ATE1: variants seen among roughly 807,000 people sequenced by gnomAD.
ATE1 encodes arginyl-tRNA--protein transferase 1.
Under a neutral mutation model 70.5 loss-of-function variants are expected in ATE1, and 36 were observed. The observed-to-expected ratio is 0.51, with a 90% CI of 0.39 to 0.67. The LOEUF is 0.67. ATE1 is among the 30% of genes least tolerant of loss of function. The probability of loss-of-function intolerance (pLI) is 0.00; values close to 1 mark genes in which losing one functional copy is unlikely to be tolerated. For missense variants in ATE1, 593 were observed against 629.5 expected, an observed-to-expected ratio of 0.94 and a Z score of 0.62; for synonymous variants, 232 against 219.3, an observed-to-expected ratio of 1.06 and a Z score of -0.51.
intron 11 of ATE1, among the ~76,000 whole-genome samples, chr10:121,755,098 C>T (rs1482152475): frequency 6.6e-6 from 1 of 152,268 alleles, no homozygotes; most frequent in Non-Finnish European, 1.5e-5. Context: ...ACACAGGATC[C>T]TCACTTGAAC....
chr10:121,743,468 G>T lies in ATE1; in HGVS notation c.*212C>A. The T allele has an allele frequency of 2.1e-6, 2 of 930,308 alleles. No homozygotes were observed. The highest frequency in any genetic ancestry group is 1.7e-5 in the African/African-American group (1 of 58,640). The allele number at this position is 930,308 out of a possible 1,614,324, so 57.6% of individuals were successfully genotyped here. ...AAAATGATAAATCCCAATTATGGGG[G>T]CTAGGTCATAATGCAGTTTTAAAAT... On this transcript the variant is annotated 3_prime_UTR_variant, in exon 12 of 12. Transcript: ENST00000224652.
rs191413981 is a variant in ATE1 at position 121,816,314 on chromosome 10, T to C, written c.1257+20404A>G. Among the ~76,000 whole-genome samples the C allele has an allele frequency of 9.8e-4, 150 of 152,332 alleles. 2 individuals are homozygous for C. The East Asian group carries it at 0.026, about 26-fold the overall frequency. On this transcript the variant is annotated intron_variant, in intron 10 of 11. Transcript: ENST00000224652. ...TAATAGATTTTATTTAATCAGATAC[T>C]GCTATGGTTTGAATTGTCTTCTCCA...
chr10:121,863,310 G>A (rs1166157200), intron 8 of ATE1, among the ~76,000 whole-genome samples: 3 of 141,932 alleles, frequency 2.1e-5, no homozygotes, highest in Non-Finnish European at 4.5e-5. Context: ...CTGGAGTGCA[G>A]TGGCACGATC....
In ATE1 at chr10:121,801,225, G is replaced by A. The variant is rs144183177; in HGVS notation, c.1258-10936C>T. On this transcript the variant is annotated intron_variant, in intron 10 of 11. Coordinates refer to ENST00000224652, the MANE Select transcript of ATE1 (RefSeq NM_001001976.3). ...TTTCCACTGACAAACAGAAAGTGAC[G>A]GTATTCTGTATTTCTTTAATTAAAA... Among the ~76,000 whole-genome samples the A allele has an allele frequency of 1.5e-3, 225 of 152,236 alleles. 1 individual carries two copies. The highest frequency in any genetic ancestry group is 3.4e-3 in the Middle Eastern group (1 of 294).
chr10:121,848,544 G>A (rs1948928084), intron 8 of ATE1, among the ~76,000 whole-genome samples: 4 of 149,220 alleles, frequency 2.7e-5, no homozygotes, highest in African/African-American at 9.9e-5. Flanking sequence ...CTTGAACCCG[G>A]AATGCAGAGG....
chr10:121,909,594 T>C (rs1285748276), intron 5 of ATE1, among the ~76,000 whole-genome samples: 1 of 152,196 alleles, frequency 6.6e-6, no homozygotes, highest in Admixed American at 6.5e-5. Flanking sequence ...GTAGAGTACA[T>C]GGAAGTCGAT....
chr10:121,831,995 TAC>T (rs1467182234), intron 10 of ATE1, among the ~76,000 whole-genome samples: 1 of 152,192 alleles, frequency 6.6e-6, no homozygotes, highest in Non-Finnish European at 1.5e-5. Context: ...AAACAGAAAT[TAC>T]AGTCTTAGCT....
chr10:121,870,064 A>G (rs1306830647), intron 7 of ATE1, 26 bp from the exon 8 acceptor site: 1 of 1,605,230 alleles, frequency 6.2e-7, no homozygotes, highest in Non-Finnish European at 8.5e-7. Context: ...AACAGAATCC[A>G]TTTCATCCAG....
intron 7 of ATE1, among the ~76,000 whole-genome samples, chr10:121,899,365 A>G (rs914564878): frequency 6.6e-5 from 10 of 152,212 alleles, no homozygotes; most frequent in Non-Finnish European, 8.8e-5. Flanking sequence ...AATTATTAGC[A>G]TATGAGTTCT....
At chr10:121,876,955 C>G (rs562916399) in intron 7 of ATE1, among the ~76,000 whole-genome samples, 31 of 146,448 alleles carry the variant, frequency 2.1e-4, no homozygotes, top group Non-Finnish European at 3.9e-4. Context: ...CACAGAGCGA[C>G]ACTCCAGTCT....
chr10:121,866,674 C>G (rs1400887091), intron 8 of ATE1, among the ~76,000 whole-genome samples: 2 of 151,866 alleles, frequency 1.3e-5, no homozygotes, highest in Non-Finnish European at 2.9e-5. Context: ...ATGGTGAAAC[C>G]TGTCTTTACT....
intron 10 of ATE1, among the ~76,000 whole-genome samples, chr10:121,798,403 T>C (rs1003146645): frequency 2.0e-5 from 3 of 152,204 alleles, no homozygotes; most frequent in Admixed American, 2.0e-4. Context: ...GATGTACAGC[T>C]TTTCATATTA....
chr10:121,923,822 C>T (rs931815712), intron 2 of ATE1, among the ~76,000 whole-genome samples: 1 of 152,092 alleles, frequency 6.6e-6, no homozygotes, highest in Non-Finnish European at 1.5e-5. Flanking sequence ...TAACAGGTAA[C>T]ATCAAAGAAT....
At chr10:121,812,079 C>T (rs10886990) in intron 10 of ATE1, among the ~76,000 whole-genome samples, 75,350 of 151,106 alleles carry the variant, frequency 0.5, 19,008 homozygotes, top group South Asian at 0.54. Context: ...CCTTAGCCTC[C>T]CATGTAGCTG....
intron 11 of ATE1, among the ~76,000 whole-genome samples, chr10:121,774,289 G>C (rs769516700): frequency 1.3e-5 from 2 of 152,168 alleles, no homozygotes; most frequent in African/African-American, 2.4e-5. Flanking sequence ...AATTTGGTAA[G>C]CGAGTTGAAA....
chr10:121,925,727 T>C (rs1421777149), intron 1 of ATE1, among the ~76,000 whole-genome samples: 2 of 146,806 alleles, frequency 1.4e-5, no homozygotes, highest in Non-Finnish European at 3.0e-5. Context: ...AAAATAATAA[T>C]CATAATTAAT....
intron 10 of ATE1, among the ~76,000 whole-genome samples, chr10:121,819,698 A>AAAAAAAAAAAC: frequency 1.3e-5 from 2 of 150,306 alleles, no homozygotes; most frequent in African/African-American, 4.9e-5. Context: ...AAAAAAAAAA[A>AAAAAAAAAAAC]AAAGACTACA....
chr10:121,816,981 C>T (rs566132520), intron 10 of ATE1, among the ~76,000 whole-genome samples: 1 of 152,324 alleles, frequency 6.6e-6, no homozygotes, highest in South Asian at 2.1e-4. Context: ...GGTATTTCTA[C>T]TGTTCATTTA....
intron 3 of ATE1, among the ~76,000 whole-genome samples, chr10:121,919,544 G>A (rs998968873): frequency 6.7e-6 from 1 of 150,118 alleles, no homozygotes; most frequent in African/African-American, 2.5e-5. Flanking sequence ...CTGGGCGACA[G>A]CAAGACTCCA....
Sources: allele counts gnomAD v4.1 joint callset (sites outside exome capture counted in the v4.1 genomes callset), GRCh38; gene constraint gnomAD v4.1.1; transcripts MANE v1.5; gene names NCBI Gene and HGNC (gene_info 2026-07-23, HGNC 2026-07-21).